Variants in TSG101 observed in about 807,000 individuals in gnomAD.
TSG101 encodes the protein tumor susceptibility 101.
A neutral mutation model predicts 48.5 loss-of-function variants in TSG101; 19 were observed. That is an observed-to-expected ratio of 0.39 (90% CI 0.27 to 0.58). TSG101 has a LOEUF of 0.58. Ranked by LOEUF, TSG101 falls within the 20% of genes least tolerant of loss-of-function variation. The pLI is 0.55. For synonymous variants in TSG101, 174 were observed against 169.4 expected (o/e 1.03, Z -0.21); for missense variants, 365 against 484.4 (o/e 0.75, Z 2.31).
At chr11:18,494,656 CTACTTATCCTGAAGAT>C (rs1849748320) in intron 7 of TSG101, among the ~76,000 whole-genome samples, 1 of 152,194 alleles carries the variant, frequency 6.6e-6, no homozygotes, top group Admixed American at 6.5e-5. Context: ...GAAGAAAACG[CTACTTATCCTGAAGAT>C]GAGGCAGTTA....
chr11:18,502,815 C>T (rs1367618429), intron 6 of TSG101, among the ~76,000 whole-genome samples: 3 of 152,186 alleles, frequency 2.0e-5, no homozygotes, highest in Non-Finnish European at 4.4e-5. Context: ...ATGAGAGTCA[C>T]CCTCATAGCA....
intron 1 of TSG101, among the ~76,000 whole-genome samples, chr11:18,520,088 C>A (rs1428448979): frequency 1.3e-5 from 2 of 152,220 alleles, no homozygotes; most frequent in African/African-American, 4.8e-5. Context: ...TGTCCCCAGC[C>A]TTCATCCTAG....
At chr11:18,496,659 G>A (rs1232686606) in intron 7 of TSG101, among the ~76,000 whole-genome samples, 1 of 152,018 alleles carries the variant, frequency 6.6e-6, no homozygotes, top group Non-Finnish European at 1.5e-5. Context: ...AGCCGGGCAT[G>A]GTGGTATGTG....
At chr11:18,503,318 A>G (rs962571098) in intron 6 of TSG101, among the ~76,000 whole-genome samples, 3 of 152,078 alleles carry the variant, frequency 2.0e-5, no homozygotes, top group African/African-American at 7.2e-5. Flanking sequence ...TAAAACTCGA[A>G]TATTTGAGAA....
chr11:18,505,832 G>A (rs1352545829), intron 6 of TSG101, among the ~76,000 whole-genome samples: 1 of 152,044 alleles, frequency 6.6e-6, no homozygotes, highest in African/African-American at 2.4e-5. Flanking sequence ...GGTTTTGTTT[G>A]TTTGAGAGAG....
At chr11:18,525,798 C>G (rs1251177550) in intron 1 of TSG101, 2 of 544,100 alleles carry the variant, frequency 3.7e-6, no homozygotes, top group Non-Finnish European at 2.3e-6. Flanking sequence ...GTCATTTTCT[C>G]CTTAGAGATT....
At chr11:18,514,238 G>GT (rs1297851885) in intron 4 of TSG101, among the ~76,000 whole-genome samples, 2 of 152,246 alleles carry the variant, frequency 1.3e-5, no homozygotes, top group East Asian at 3.9e-4. Flanking sequence ...GGTGTTGTTT[G>GT]TATTTTCTCT....
chr11:18,507,261 T>C (rs1849989726), intron 5 of TSG101, among the ~76,000 whole-genome samples: 2 of 152,202 alleles, frequency 1.3e-5, no homozygotes, highest in African/African-American at 2.4e-5. Flanking sequence ...AAGGTTAACT[T>C]CTTAGAAAGT....
At position 18,484,013 on chromosome 11, in the gene TSG101, C is replaced by G. The variant is rs1405979366; in HGVS notation, c.700G>C (p.Val234Leu). ...DTIRASLISA[V>L]SDKLRWRMKE... is the part of the protein sequence containing the mutation. ...ATCCGCCATCTCAGTTTGTCACTGA[C>G]CGCAGAGATGAGAGAGGCTCGGATG... Residue 234 changes from valine (V) to leucine (L), a missense_variant, in exon 8 of 10, where the codon GTC (valine) becomes CTC (leucine). Physicochemically the swap from Val to Leu is conservative, Grantham distance 32. Transcript: ENST00000251968. 1 of 1,614,206 alleles carries G rather than the reference C, an allele frequency of 6.2e-7. No individual in the cohort carries two copies. The highest frequency in any genetic ancestry group is 8.5e-7 in the Non-Finnish European group (1 of 1,180,038).
intron 7 of TSG101, among the ~76,000 whole-genome samples, chr11:18,500,866 C>T (rs893552444): frequency 2.0e-5 from 3 of 151,472 alleles, no homozygotes; most frequent in Non-Finnish European, 2.9e-5. Flanking sequence ...TGCAGTGGTG[C>T]GATCTCAGCT....
At chr11:18,505,171 T>G (rs980635184) in intron 6 of TSG101, among the ~76,000 whole-genome samples, 2 of 152,176 alleles carry the variant, frequency 1.3e-5, no homozygotes, top group African/African-American at 4.8e-5. Context: ...CTGGGTTATA[T>G]GAAACTAAGA....
intron 9 of TSG101, among the ~76,000 whole-genome samples, chr11:18,480,965 T>C (rs1443020807): frequency 6.6e-6 from 1 of 152,168 alleles, no homozygotes; most frequent in Non-Finnish European, 1.5e-5. Flanking sequence ...GTTGTACCAC[T>C]TCTGAGGCAC....
intron 7 of TSG101, among the ~76,000 whole-genome samples, chr11:18,495,697 G>A (rs1287157474): frequency 6.8e-6 from 1 of 147,756 alleles, no homozygotes; most frequent in African/African-American, 2.5e-5. Flanking sequence ...ACATGAATTG[G>A]TTTGTTCCTT....
At chr11:18,520,828 C>T (rs1379675400) in intron 1 of TSG101, among the ~76,000 whole-genome samples, 1 of 151,952 alleles carries the variant, frequency 6.6e-6, no homozygotes, top group South Asian at 2.1e-4. Context: ...GTCAGGAGTT[C>T]GAGACCAGCC....
chr11:18,480,542 GA>G lies in TSG101; in HGVS notation c.*3del. ...AGCTCAACCTCCAGCTGGTATCAGA[GA>G]AGTCAGTAGAGGTCACTGAGACCGG... is the stretch of plus-strand genomic sequence containing the variant. On this transcript the variant is annotated 3_prime_UTR_variant, in exon 10 of 10. Transcript: ENST00000251968. 1 of 1,611,836 alleles carries G rather than the reference GA, an allele frequency of 6.2e-7. No individual in the cohort carries two copies. The highest frequency in any genetic ancestry group is 8.5e-7 in the Non-Finnish European group (1 of 1,178,456).
intron 4 of TSG101, 23 bp downstream of exon 4, chr11:18,514,655 C>A: frequency 6.6e-7 from 1 of 1,510,882 alleles, no homozygotes; most frequent in Non-Finnish European, 8.8e-7. Flanking sequence ...ATAACTAATT[C>A]ACAGAACACT....
chr11:18,509,772 T>C, intron 4 of TSG101, 107 bp from the exon 5 acceptor site: 1 of 1,212,696 alleles, frequency 8.2e-7, no homozygotes, highest in South Asian at 2.1e-5. Flanking sequence ...TAATTTTCTT[T>C]GTAGGACCCC....
At chr11:18,485,298 A>G (rs1565081563) in intron 7 of TSG101, among the ~76,000 whole-genome samples, 2 of 152,192 alleles carry the variant, frequency 1.3e-5, no homozygotes, top group Admixed American at 6.5e-5. Flanking sequence ...TCCATTAACC[A>G]TAATTCCCAA....
chr11:18,507,454 T>C (rs1158275628), intron 5 of TSG101, among the ~76,000 whole-genome samples: 1 of 152,134 alleles, frequency 6.6e-6, no homozygotes. Flanking sequence ...AGTGAGACCC[T>C]ATCTCAAAAC....
Sources: allele counts gnomAD v4.1 joint callset (sites outside exome capture counted in the v4.1 genomes callset), GRCh38; gene constraint gnomAD v4.1.1; transcripts MANE v1.5; gene names NCBI Gene and HGNC (gene_info 2026-07-23, HGNC 2026-07-21).